The following SEMA3A variants were observed in gnomAD, a reference collection of about 807,000 sequenced individuals.
The protein encoded by SEMA3A is semaphorin 3A.
A neutral mutation model predicts 97.9 loss-of-function variants in SEMA3A; 29 were observed. The ratio of observed to expected loss-of-function variants is 0.30; its 90% CI spans 0.22 to 0.40. SEMA3A has a LOEUF of 0.40. SEMA3A is among the 10% of genes least tolerant of loss of function. SEMA3A has a pLI of 1.00. For synonymous variants in SEMA3A, 321 were observed against 323.7 expected (o/e 0.99, Z 0.09); for missense variants, 763 against 951.3 (o/e 0.80, Z 2.60).
intron 1 of SEMA3A, among the ~76,000 whole-genome samples, chr7:84,189,234 CTT>C (rs1562841697): frequency 6.6e-6 from 1 of 151,752 alleles, no homozygotes; most frequent in African/African-American, 2.4e-5. Flanking sequence ...ACCTCTATAA[CTT>C]TGTAGCAATG....
chr7:84,191,550 A>C (rs944196836), intron 1 of SEMA3A, among the ~76,000 whole-genome samples: 2 of 151,826 alleles, frequency 1.3e-5, no homozygotes, highest in Non-Finnish European at 3.0e-5. Context: ...ACATATCCCA[A>C]ATGGAAGATT....
At chr7:83,990,631 A>G (rs59730320) in intron 12 of SEMA3A, among the ~76,000 whole-genome samples, 1 of 146,222 alleles carries the variant, frequency 6.8e-6, no homozygotes, top group Non-Finnish European at 1.5e-5. Flanking sequence ...ATAGTTGTAG[A>G]TATGTGGCTC....
intron 1 of SEMA3A, among the ~76,000 whole-genome samples, chr7:84,469,583 T>A (rs1806094862): frequency 6.6e-6 from 1 of 152,168 alleles, no homozygotes; most frequent in Non-Finnish European, 1.5e-5. Context: ...CTGTGCTTTT[T>A]CCATGGTGAC....
At chr7:84,211,456 C>CAAA in intron 3 of SEMA3A, among the ~76,000 whole-genome samples, 2 of 125,798 alleles carry the variant, frequency 1.6e-5, no homozygotes, top group African/African-American at 5.8e-5. Flanking sequence ...ACTAAAAATA[C>CAAA]AAAAAAAAAA....
Position 84,213,045 on chromosome 7 carries a change from C to T in SEMA3A, c.-82-18377G>A, listed in dbSNP as rs367947660. Among the ~76,000 whole-genome samples, 9 of 152,264 alleles carry T rather than the reference C, an allele frequency of 5.9e-5. 1 individual carries two copies. Among genetic ancestry groups the T allele is most frequent in the Admixed American group, 1.3e-4 (2 of 15,298 alleles). ...ATGGCTCTATCTTGGCTCATCGCAA[C>T]CTCTGCCTACAGGATTTAGGGTTCA... On this transcript the variant is annotated intron_variant, in intron 3 of 3. Coordinates refer to the SEMA3A transcript ENST00000424555.
At chr7:84,075,739 G>A (rs1363601889) in intron 4 of SEMA3A, among the ~76,000 whole-genome samples, 1 of 152,136 alleles carries the variant, frequency 6.6e-6, no homozygotes, top group African/African-American at 2.4e-5. Flanking sequence ...TTACAGAAAG[G>A]AGCCACTGTG....
chr7:84,398,973 ACAT>A (rs1026236429), intron 1 of SEMA3A, among the ~76,000 whole-genome samples: 10 of 152,178 alleles, frequency 6.6e-5, no homozygotes, highest in African/African-American at 2.2e-4. Context: ...AAGAAATAAA[ACAT>A]CATTTGAGAG....
At chr7:84,299,479 A>G (rs889346150) in intron 3 of SEMA3A, among the ~76,000 whole-genome samples, 1 of 151,400 alleles carries the variant, frequency 6.6e-6, no homozygotes, top group Non-Finnish European at 1.5e-5. Context: ...ATTGGTCAAT[A>G]TAAACAGCAG....
Position 83,963,355 on chromosome 7 carries a change from G to A in SEMA3A, c.1718-8C>T. ...TGTGGCCATGGTGATTATCTGGCCA[G>A]TGATGAGAAAATGCAATGAGAAAAT... On this transcript the variant is annotated splice_region_variant and splice_polypyrimidine_tract_variant and intron_variant, in intron 15 of 16. Coordinates refer to ENST00000265362, the MANE Select transcript of SEMA3A (RefSeq NM_006080.3). The A allele has an allele frequency of 5.0e-6, 8 of 1,604,058 alleles. No individual in the cohort carries two copies. The highest frequency in any genetic ancestry group is 6.0e-6 in the Non-Finnish European group (7 of 1,173,970).
At chr7:84,429,612 A>C (rs1475031581) in intron 1 of SEMA3A, among the ~76,000 whole-genome samples, 7 of 140,420 alleles carry the variant, frequency 5.0e-5, no homozygotes, top group African/African-American at 1.9e-4. Context: ...ACATGTTATC[A>C]TTCCACTTTT....
intron 6 of SEMA3A, among the ~76,000 whole-genome samples, chr7:84,036,471 T>C (rs1791943175): frequency 6.6e-6 from 1 of 152,112 alleles, no homozygotes; most frequent in Non-Finnish European, 1.5e-5. Context: ...TCAGTGATTC[T>C]GGGAGGACTT....
intron 1 of SEMA3A, among the ~76,000 whole-genome samples, chr7:84,476,881 A>C (rs1806297699): frequency 6.6e-6 from 1 of 151,792 alleles, no homozygotes; most frequent in African/African-American, 2.4e-5. Flanking sequence ...ATTATTAATA[A>C]TTCTTAGCCA....
chr7:84,463,420 T>C (rs1282947256), intron 1 of SEMA3A, among the ~76,000 whole-genome samples: 1 of 151,816 alleles, frequency 6.6e-6, no homozygotes, highest in Non-Finnish European at 1.5e-5. Context: ...GGCTAATTTT[T>C]TGTATTTTTA....
intron 2 of SEMA3A, among the ~76,000 whole-genome samples, chr7:84,363,897 C>T (rs1027274319): frequency 6.6e-6 from 1 of 151,744 alleles, no homozygotes; most frequent in Non-Finnish European, 1.5e-5. Flanking sequence ...CTTTCATTCT[C>T]TTGTGAGTGT....
rs1043102407 is a variant in SEMA3A, at chr7:84,490,729, A to G, written c.-246+1731T>C. On this transcript the variant is annotated intron_variant, in intron 1 of 3. Transcript: ENST00000424555. Reference sequence around the variant, plus strand: ...AAATGGAGTAAATCAAGAAGAAACAAATCTAAATGCCATGCTGAAGTGAGG... The same window carrying G: ...AAATGGAGTAAATCAAGAAGAAACAGATCTAAATGCCATGCTGAAGTGAGG... Among the ~76,000 whole-genome samples the G allele has an allele frequency of 2.0e-5, 3 of 152,192 alleles. No individual in the cohort carries two copies. In the South Asian group the frequency reaches 6.2e-4, roughly 31 times the overall value.
intron 1 of SEMA3A, among the ~76,000 whole-genome samples, chr7:84,419,084 A>G (rs1250326010): frequency 6.6e-6 from 1 of 152,044 alleles, no homozygotes; most frequent in East Asian, 1.9e-4. Context: ...CCATGAATTG[A>G]ATTTATGTAT....
At chr7:84,394,915 G>A (rs1355636933) in intron 1 of SEMA3A, among the ~76,000 whole-genome samples, 1 of 152,078 alleles carries the variant, frequency 6.6e-6, no homozygotes, top group Non-Finnish European at 1.5e-5. Context: ...GGAATGAGGT[G>A]TACTCAAAAG....
chr7:84,039,881 T>C lies in SEMA3A; in HGVS notation c.667+6443A>G, dbSNP rs148384103. On this transcript the variant is annotated intron_variant, in intron 6 of 16. Transcript: ENST00000265362. Reference sequence around the variant, plus strand: ...CAATTTCTAGGTATAATTATCTAAATTGATATTTGTAAAAATAAATATGAG... The same window carrying C: ...CAATTTCTAGGTATAATTATCTAAACTGATATTTGTAAAAATAAATATGAG... 5.5e-4 allele frequency among the ~76,000 whole-genome samples: 83 copies of C among 152,178 alleles called. No individual in the cohort carries two copies. The East Asian group carries it at 0.015, about 27-fold the overall frequency.
chr7:84,233,437 G>A (rs1324889112), intron 3 of SEMA3A, among the ~76,000 whole-genome samples: 2 of 151,942 alleles, frequency 1.3e-5, no homozygotes, highest in African/African-American at 4.8e-5. Flanking sequence ...AGGATTAAAT[G>A]AATGTAGACT....
Sources: allele counts gnomAD v4.1 joint callset (sites outside exome capture counted in the v4.1 genomes callset), GRCh38; gene constraint gnomAD v4.1.1; transcripts MANE v1.5; gene names NCBI Gene and HGNC (gene_info 2026-07-23, HGNC 2026-07-21).